RIIAD1: variants seen among roughly 807,000 people sequenced by gnomAD.
RIIAD1 encodes regulatory subunit of type II PKA R-subunit domain containing 1, also known as RIIa domain-containing protein 1.
In RIIAD1, 15 loss-of-function variants were observed where a neutral mutation model predicts 13.3. The ratio of observed to expected loss-of-function variants is 1.13; its 90% CI spans 0.76 to 1.74. RIIAD1 has a LOEUF of 1.74. RIIAD1 is among the 40% of genes most tolerant of loss of function. The pLI is 0.00. For synonymous variants in RIIAD1, 50 were observed against 43.3 expected (o/e 1.16, Z -0.61); for missense variants, 121 against 112.2 (o/e 1.08, Z -0.35).
At chr1:151,711,877 G>T (rs1673052601) in exon 2 of RIIAD1, 1 of 152,294 alleles carries the variant, frequency 6.6e-6, no homozygotes, top group African/African-American at 2.4e-5. Context: ...AAAGGATGCA[G>T]TTCCCTCCTG....
chr1:151,712,590 C>A (rs1673116568), intron 2 of RIIAD1, among the ~76,000 whole-genome samples: 1 of 152,210 alleles, frequency 6.6e-6, no homozygotes, highest in Non-Finnish European at 1.5e-5. Flanking sequence ...CTCCATGATG[C>A]CACACCCTGC....
At chr1:151,712,897 G>A (rs1329402613) in intron 2 of RIIAD1, among the ~76,000 whole-genome samples, 2 of 151,974 alleles carry the variant, frequency 1.3e-5, no homozygotes, top group East Asian at 3.9e-4. Context: ...GCACACACAT[G>A]CGTGTGCATG....
At chr1:151,715,294 A>C (rs1673385113) in intron 4 of RIIAD1, among the ~76,000 whole-genome samples, 1 of 151,534 alleles carries the variant, frequency 6.6e-6, no homozygotes, top group Non-Finnish European at 1.5e-5. Flanking sequence ...AGGCCTGAGG[A>C]GCACCCTCCC....
Position 151,728,475 on chromosome 1 carries a change from G to A in RIIAD1, c.209-291G>A, listed in dbSNP as rs991819507. On this transcript the variant is annotated intron_variant, in intron 3 of 4. Coordinates refer to ENST00000479191, the MANE Select transcript of RIIAD1 (RefSeq NM_001144956.3). ...CGGAGGAGCAAACGGTGCGACTCGG[G>A]GTAGGTGGGGGGTGGGGGGTGGGGG... 2.6e-4 allele frequency: 90 copies of A among 352,832 alleles called. 1 individual carries two copies. The highest frequency in any genetic ancestry group is 3.0e-4 in the Non-Finnish European group (62 of 207,968). The allele number at this position is 352,832 out of a possible 1,614,324, so 21.9% of individuals were successfully genotyped here. A position where few individuals can be genotyped will look rare whatever the true frequency, so the allele number is the denominator to read the frequency against.
chr1:151,721,780 C>T lies in RIIAD1; in HGVS notation c.84+160C>T, dbSNP rs1390651410. 7.7e-6 allele frequency: 4 copies of T among 517,246 alleles called. No homozygotes were observed. In the East Asian group the frequency reaches 9.3e-5, roughly 12 times the overall value. The allele number at this position is 517,246 out of a possible 1,614,324, so 32.0% of individuals were successfully genotyped here. A position where few individuals can be genotyped will look rare whatever the true frequency, so the allele number is the denominator to read the frequency against. ...GGGAGACCCCCGGCGGACCTCTAGGCGTCTGATCCCAGCACAGAGCGCGAC... is the reference window on the plus strand; with the variant it reads ...GGGAGACCCCCGGCGGACCTCTAGGTGTCTGATCCCAGCACAGAGCGCGAC... On this transcript the variant is annotated intron_variant, in intron 1 of 4. Coordinates refer to ENST00000479191, the MANE Select transcript of RIIAD1 (RefSeq NM_001144956.3).
intron 4 of RIIAD1, chr1:151,715,897 T>C: frequency 6.2e-7 from 1 of 1,614,076 alleles, no homozygotes; most frequent in Non-Finnish European, 8.5e-7. Flanking sequence ...CCGGTGTACT[T>C]GTCCTTGATG....
chr1:151,716,955 A>G, upstream of RIIAD1: 1 of 317,230 alleles, frequency 3.2e-6, no homozygotes, highest in Non-Finnish European at 6.8e-6. Context: ...ATCCTCCCTG[A>G]CTCCCTTCCC....
chr1:151,721,561 C>T lies in RIIAD1; in HGVS notation c.25C>T (p.Gln9Ter), dbSNP rs1417796827. 3.0e-6 allele frequency: 4 copies of T among 1,329,152 alleles called. No individual in the cohort carries two copies. Among genetic ancestry groups the T allele is most frequent in the South Asian group, 1.8e-5 (1 of 54,128 alleles). 82.3% of individuals were successfully genotyped at this position (1,329,152 alleles called of 1,614,324 possible). Residue 9 changes from glutamine to a stop codon, truncating the protein, a stop_gained, in exon 1 of 5, where the codon CAG becomes TAG. Coordinates refer to ENST00000479191, the MANE Select transcript of RIIAD1 (RefSeq NM_001144956.3). LOFTEE classifies it high-confidence loss of function. METLPGLLQRPDPGALSAA... is the reference protein window; with the variant it reads METLPGLL ...GATGGAGACGCTGCCAGGCTTGCTGCAGCGGCCCGACCCCGGGGCGCTTAG... is the reference window on the plus strand; with the variant it reads ...GATGGAGACGCTGCCAGGCTTGCTGTAGCGGCCCGACCCCGGGGCGCTTAG...
intron 1 of RIIAD1, among the ~76,000 whole-genome samples, chr1:151,711,631 G>A (rs1279253016): frequency 1.3e-5 from 2 of 152,360 alleles, no homozygotes; most frequent in East Asian, 1.9e-4. Context: ...TGTCGTGGGG[G>A]CAGATGCTCA....
upstream of RIIAD1, among the ~76,000 whole-genome samples, chr1:151,717,239 A>T (rs538899487): frequency 6.6e-6 from 1 of 152,330 alleles, no homozygotes; most frequent in African/African-American, 2.4e-5. Context: ...ACGGTTGCAT[A>T]GGCTGAAGGG....
upstream of RIIAD1, among the ~76,000 whole-genome samples, chr1:151,719,249 G>A (rs1022389849): frequency 6.6e-6 from 1 of 152,096 alleles, no homozygotes; most frequent in Non-Finnish European, 1.5e-5. Flanking sequence ...GTTCTTTCAG[G>A]CCATGGGATG....
chr1:151,715,977 G>C, intron 4 of RIIAD1: 1 of 1,614,096 alleles, frequency 6.2e-7, no homozygotes, highest in Non-Finnish European at 8.5e-7. Context: ...CAGATGCCTC[G>C]GGATCTGCCC....
intron 2 of RIIAD1, among the ~76,000 whole-genome samples, chr1:151,726,616 T>C (rs886901874): frequency 6.6e-6 from 1 of 152,214 alleles, no homozygotes; most frequent in African/African-American, 2.4e-5. Flanking sequence ...AAATCATTAA[T>C]CTTTTGAAGG....
At chr1:151,720,879 C>T (rs1365342235), upstream of RIIAD1, among the ~76,000 whole-genome samples, 1 of 152,162 alleles carries the variant, frequency 6.6e-6, no homozygotes, top group African/African-American at 2.4e-5. Flanking sequence ...TCCCTTTCTC[C>T]TCCCGTATTC....
intron 4 of RIIAD1, among the ~76,000 whole-genome samples, chr1:151,714,871 T>A (rs529460794): frequency 6.6e-6 from 1 of 152,120 alleles, no homozygotes; most frequent in East Asian, 1.9e-4. Flanking sequence ...GAGGCCTAAA[T>A]ACTGGTGGTG....
At chr1:151,718,626 A>T (rs1253256947), upstream of RIIAD1, among the ~76,000 whole-genome samples, 1 of 152,132 alleles carries the variant, frequency 6.6e-6, no homozygotes, top group East Asian at 1.9e-4. Context: ...CATTTGAGTG[A>T]ATGTGTATGT....
intron 2 of RIIAD1, 57 bp downstream of exon 2, chr1:151,722,219 C>G (rs1341721048): frequency 1.7e-5 from 18 of 1,038,816 alleles, no homozygotes; most frequent in South Asian, 5.5e-5. Context: ...TTCGTTATCT[C>G]TAGAGGTTTC....
intron 3 of RIIAD1, 71 bp from the exon 4 acceptor site, chr1:151,728,695 C>G: frequency 2.2e-6 from 2 of 901,390 alleles, no homozygotes; most frequent in Non-Finnish European, 3.6e-6. Flanking sequence ...GTGGAGTAAG[C>G]TGTCTCCTTC....
At chr1:151,724,052 A>G (rs1673786136) in intron 2 of RIIAD1, among the ~76,000 whole-genome samples, 1 of 152,220 alleles carries the variant, frequency 6.6e-6, no homozygotes. Flanking sequence ...CTCACAAACA[A>G]CAGGATTAGA....
Sources: gnomAD v4.1 joint callset for allele counts (sites outside exome capture counted in the v4.1 genomes callset) on GRCh38, gnomAD v4.1.1 for gene constraint, MANE v1.5 for transcripts, NCBI Gene and HGNC (gene_info 2026-07-23, HGNC 2026-07-21) for gene names.